Variants in CARS1 observed in about 807,000 individuals in gnomAD.
The protein encoded by CARS1 is cysteine--tRNA ligase, cytoplasmic.
A neutral mutation model predicts 106.2 loss-of-function variants in CARS1; 48 were observed. The ratio of observed to expected loss-of-function variants is 0.45; its 90% CI spans 0.36 to 0.57. The LOEUF (loss-of-function observed/expected upper bound fraction) is 0.57, where lower values mean the gene tolerates loss of function less well. Ranked by LOEUF, CARS1 falls within the 20% of genes least tolerant of loss-of-function variation. The probability of loss-of-function intolerance (pLI) is 0.00; values close to 1 mark genes in which losing one functional copy is unlikely to be tolerated. For synonymous variants in CARS1, 409 were observed against 403.4 expected (o/e 1.01, Z -0.17); for missense variants, 968 against 1,057.2 (o/e 0.92, Z 1.17).
In CARS1 at chr11:3,052,220, C is replaced by T. The variant is rs966080623; in HGVS notation, c.26-4219G>A. Among the ~76,000 whole-genome samples, 29 of 152,226 alleles carry T rather than the reference C, an allele frequency of 1.9e-4. No individual in the cohort carries two copies. Among genetic ancestry groups the T allele is most frequent in the Admixed American group, 1.0e-3 (16 of 15,288 alleles). On this transcript the variant is annotated intron_variant, in intron 1 of 22. Transcript: ENST00000380525. The surrounding 1 kb of genome is among the most constrained non-coding windows in gnomAD (Gnocchi z 4.6). ...CTGGAGACCTGAGGGGCGGCCCCGA[C>T]GCCCTCCAGGGCTGAGTACCTACAC...
In CARS1 at chr11:3,043,066, G is replaced by A. The variant is rs1354634903; in HGVS notation, c.275-810C>T. Among the ~76,000 whole-genome samples the A allele has an allele frequency of 1.3e-5, 2 of 152,154 alleles. No homozygotes were observed. The highest frequency in any genetic ancestry group is 2.9e-5 in the Non-Finnish European group (2 of 68,020). On this transcript the variant is annotated intron_variant, in intron 2 of 22. Coordinates refer to ENST00000380525, the MANE Select transcript of CARS1 (RefSeq NM_001014437.3). The surrounding 1 kb of genome is among the most constrained non-coding windows in gnomAD (Gnocchi z 4.0). The stretch of plus-strand genomic sequence containing the variant: ...TAACCTGAGCTCCTCTCAGCCTCCA[G>A]GCAGAGACCCCTGCCAGCCAGCCCC...
Position 3,038,910 on chromosome 11 carries a change from T to G in CARS1, c.651+284A>C, listed in dbSNP as rs1392656528. Among the ~76,000 whole-genome samples the G allele has an allele frequency of 6.6e-6, 1 of 152,230 alleles. No individual in the cohort carries two copies. Among genetic ancestry groups the G allele is most frequent in the African/African-American group, 2.4e-5 (1 of 41,468 alleles). ...ACAGCAATATTGGTAAGCATTTTTA[T>G]AAGTGTAATTAGTGGCACTGTGATG... On this transcript the variant is annotated intron_variant, in intron 6 of 22. Transcript: ENST00000380525. The surrounding 1 kb of genome is among the most constrained non-coding windows in gnomAD (Gnocchi z 4.0).
intron 7 of CARS1, chr11:3,031,648 C>G (rs938160314): frequency 1.3e-5 from 2 of 152,194 alleles, no homozygotes; most frequent in Non-Finnish European, 2.9e-5. Context: ...TAGGGCAAAC[C>G]ACTGCCCCCT....
chr11:3,042,218 C>A lies in CARS1; in HGVS notation c.313G>T (p.Ala105Ser), dbSNP rs772557975. ...TGGAGTCTGCATGGCTGGGTCCCAG[C>A]AGGAGGGGACCACTGGGGCTGCACA... ...RRVQPQWSPP[A>S]GTQPCRLHLY... is the part of the protein sequence containing the mutation. The change falls in exon 3 of 23, where the codon GCT becomes TCT. Residue 105 changes from alanine (A) to serine (S), a missense_variant. Physicochemically the swap from Ala to Ser is moderately conservative, Grantham distance 99. Coordinates refer to ENST00000380525, the MANE Select transcript of CARS1 (RefSeq NM_001014437.3). 14 of 1,613,654 alleles carry A rather than the reference C, an allele frequency of 8.7e-6. No individual in the cohort carries two copies. The South Asian group carries it at 1.5e-4, about 18-fold the overall frequency.
chr11:3,051,316 C>T (rs993896627), intron 1 of CARS1, among the ~76,000 whole-genome samples: 2 of 152,234 alleles, frequency 1.3e-5, no homozygotes, highest in Non-Finnish European at 2.9e-5. Flanking sequence ...GTGCCGGGAG[C>T]TCTTGAGGGC....
rs976444388 is a variant in CARS1, at chr11:3,022,897, A to C, written c.1154-2565T>G. Among the ~76,000 whole-genome samples the C allele has an allele frequency of 1.5e-4, 23 of 152,126 alleles. No individual in the cohort carries two copies. Among genetic ancestry groups the C allele is most frequent in the African/African-American group, 4.8e-4 (20 of 41,430 alleles). On this transcript the variant is annotated intron_variant, in intron 10 of 22. Coordinates refer to ENST00000380525, the MANE Select transcript of CARS1 (RefSeq NM_001014437.3). The surrounding 1 kb of genome is among the most constrained non-coding windows in gnomAD (Gnocchi z 4.9). ...CCCATGGCGAGGAGCACATGACTGC[A>C]CAGAGCTAAGGCTACACTCCTTATG...
chr11:3,037,270 A>T lies in CARS1; in HGVS notation c.801+780T>A, dbSNP rs1379814738. Among the ~76,000 whole-genome samples, 1 of 152,250 alleles carries T rather than the reference A, an allele frequency of 6.6e-6. No individual in the cohort carries two copies. Among genetic ancestry groups the T allele is most frequent in the African/African-American group, 2.4e-5 (1 of 41,462 alleles). ...CAACGAAGCGATCTGCTGAGTCAGGACACAGAAGAGACCAAACTAGAAAGA... is the reference window on the plus strand; with the variant it reads ...CAACGAAGCGATCTGCTGAGTCAGGTCACAGAAGAGACCAAACTAGAAAGA... On this transcript the variant is annotated intron_variant, in intron 7 of 22. Coordinates refer to ENST00000380525, the MANE Select transcript of CARS1 (RefSeq NM_001014437.3). This position sits in a 1 kb window ranked among gnomAD's most constrained non-coding sequence, Gnocchi z 5.9.
At chr11:3,023,620 C>T (rs1370015489) in intron 10 of CARS1, among the ~76,000 whole-genome samples, 1 of 152,154 alleles carries the variant, frequency 6.6e-6, no homozygotes, top group Non-Finnish European at 1.5e-5. Context: ...GTCTTGAATT[C>T]CTGGCCTCAA....
chr11:3,031,002 G>A (rs554490890), intron 7 of CARS1: 1 of 152,244 alleles, frequency 6.6e-6, no homozygotes, highest in East Asian at 1.9e-4. Context: ...TAGGAGACAC[G>A]GAGAAGGATG....
At chr11:3,051,940 G>A (rs942360588) in intron 1 of CARS1, among the ~76,000 whole-genome samples, 12 of 152,216 alleles carry the variant, frequency 7.9e-5, no homozygotes, top group East Asian at 1.9e-4. Context: ...TGACAGTCAC[G>A]TGCCTCTCAC....
Position 3,040,813 on chromosome 11 carries a change from T to A in CARS1, c.455+83A>T. ...AGCAGATCTAAGATCTTTGTGGACC[T>A]AAGATCGCTGCTGTGGATCCCAATG... On this transcript the variant is annotated intron_variant, in intron 4 of 22. Coordinates refer to ENST00000380525, the MANE Select transcript of CARS1 (RefSeq NM_001014437.3). The surrounding 1 kb of genome is among the most constrained non-coding windows in gnomAD (Gnocchi z 5.8). 1 of 1,414,722 alleles carries A rather than the reference T, an allele frequency of 7.1e-7. No individual in the cohort carries two copies. The highest frequency in any genetic ancestry group is 9.8e-7 in the Non-Finnish European group (1 of 1,021,106). The allele number at this position is 1,414,722 out of a possible 1,614,324, so 87.6% of individuals were successfully genotyped here.
At chr11:3,025,889 C>T (rs969565313) in intron 10 of CARS1, among the ~76,000 whole-genome samples, 11 of 152,196 alleles carry the variant, frequency 7.2e-5, no homozygotes, top group Admixed American at 7.2e-4. Context: ...CCCCACAATC[C>T]CCCTAAACCT....
Position 3,039,230 on chromosome 11 carries a change from C to G in CARS1, c.615G>C (p.Ala205=). The change falls in exon 6 of 23, where the codon GCG becomes GCC. Residue 205 remains alanine (A), a synonymous_variant. Transcript: ENST00000380525. The surrounding 1 kb of genome is among the most constrained non-coding windows in gnomAD (Gnocchi z 5.6). ...CCTGAACATCCTCCAAGAGCTGTGC[C>G]GCTTCAGGCCTCTTCTCCCGATACT... The part of the protein sequence containing the change: ...FEQYREKRPE[A]AQLLEDVQAA... 6.2e-7 allele frequency: 1 copy of G among 1,613,670 alleles called. No individual in the cohort carries two copies. The highest frequency in any genetic ancestry group is 8.5e-7 in the Non-Finnish European group (1 of 1,179,694).
rs1855887014 is a variant in CARS1 at position 3,053,388 on chromosome 11, G to A, written c.25+3955C>T. Among the ~76,000 whole-genome samples, 2 of 151,954 alleles carry A rather than the reference G, an allele frequency of 1.3e-5. No homozygotes were observed. Among genetic ancestry groups the A allele is most frequent in the African/African-American group, 4.8e-5 (2 of 41,344 alleles). On this transcript the variant is annotated intron_variant, in intron 1 of 22. Coordinates refer to ENST00000380525, the MANE Select transcript of CARS1 (RefSeq NM_001014437.3). The surrounding 1 kb of genome is among the most constrained non-coding windows in gnomAD (Gnocchi z 6.6). ...TGGGATTACAGGTGCCCGCCACCAT[G>A]CCCAGCTAATTTTTGTATTTTTAGT...
intron 2 of CARS1, 194 bp from the exon 3 acceptor site, chr11:3,042,450 A>T (rs1854590480): frequency 1.8e-6 from 1 of 557,606 alleles, no homozygotes; most frequent in Non-Finnish European, 3.2e-6. Flanking sequence ...TTTTAGACGG[A>T]GTCTCGCTCT....
chr11:3,042,080 T>G lies in CARS1; in HGVS notation c.366+85A>C, dbSNP rs2134264481. 3 of 939,904 alleles carry G rather than the reference T, an allele frequency of 3.2e-6. No homozygotes were observed. The East Asian group carries it at 7.5e-5, about 24-fold the overall frequency. The allele number at this position is 939,904 out of a possible 1,614,324, so 58.2% of individuals were successfully genotyped here. A position where few individuals can be genotyped will look rare whatever the true frequency, so the allele number is the denominator to read the frequency against. On this transcript the variant is annotated intron_variant, in intron 3 of 22. Coordinates refer to ENST00000380525, the MANE Select transcript of CARS1 (RefSeq NM_001014437.3). ...GATCCCAACACAAGGAACAGAGAAG[T>G]CTGTTGTGCGACAAGGCACATGGGC...
rs1027044063 is a variant in CARS1 at position 3,007,051 on chromosome 11, T to C, written c.2069-92A>G. 1.3e-5 allele frequency: 13 copies of C among 1,030,374 alleles called. No homozygotes were observed. The African/African-American group carries it at 1.6e-4, about 12-fold the overall frequency. The allele number at this position is 1,030,374 out of a possible 1,614,324, so 63.8% of individuals were successfully genotyped here. ...TCCAGTGCTGGGGAAGGAGGGGCCG[T>C]GGCCCACAGAACAAGTGCCTCCTCC... On this transcript the variant is annotated intron_variant, in intron 18 of 22. Coordinates refer to ENST00000380525, the MANE Select transcript of CARS1 (RefSeq NM_001014437.3).
Position 3,003,983 on chromosome 11 carries a change from C to T in CARS1, c.2217+1383G>A, listed in dbSNP as rs1338488132. On this transcript the variant is annotated intron_variant, in intron 20 of 22. Transcript: ENST00000380525. This position sits in a 1 kb window ranked among gnomAD's most constrained non-coding sequence, Gnocchi z 4.8. ...AGTGCAAGGCCTGTGAGGCTCTGGC[C>T]GGGCCACCCTGGCGCTCCTCTTGTC... 2.0e-5 allele frequency among the ~76,000 whole-genome samples: 3 copies of T among 152,172 alleles called. No individual in the cohort carries two copies. The highest frequency in any genetic ancestry group is 2.1e-4 in the South Asian group (1 of 4,834).
rs953114384 is a variant in CARS1, at chr11:3,048,677, C to T, written c.26-676G>A. Among the ~76,000 whole-genome samples, 9 of 152,328 alleles carry T rather than the reference C, an allele frequency of 5.9e-5. No homozygotes were observed. The highest frequency in any genetic ancestry group is 1.9e-4 in the East Asian group (1 of 5,188). ...CCACATTGACAATGTGTGCCATTTACACCCCTGCACCAAGAGACAGCTGGA... is the reference window on the plus strand; with the variant it reads ...CCACATTGACAATGTGTGCCATTTATACCCCTGCACCAAGAGACAGCTGGA... On this transcript the variant is annotated intron_variant, in intron 1 of 22. Coordinates refer to ENST00000380525, the MANE Select transcript of CARS1 (RefSeq NM_001014437.3). The surrounding 1 kb of genome is among the most constrained non-coding windows in gnomAD (Gnocchi z 5.1).
Sources: allele counts gnomAD v4.1 joint callset (sites outside exome capture counted in the v4.1 genomes callset), GRCh38; gene constraint gnomAD v4.1.1; non-coding constraint Gnocchi (gnomAD v3.1); transcripts MANE v1.5; gene names NCBI Gene and HGNC (gene_info 2026-07-23, HGNC 2026-07-21).